The following ACBD6 variants were observed in gnomAD, a reference collection of about 807,000 sequenced individuals.
ACBD6 encodes acyl-CoA binding domain containing 6, also known as acyl-CoA-binding domain-containing protein 6.
ACBD6 carries 28 observed loss-of-function variants against 37.2 expected under a neutral mutation model. The ratio of observed to expected loss-of-function variants is 0.75; its 90% CI spans 0.56 to 1.03. The LOEUF is 1.03. ACBD6 is among the 50% of genes least tolerant of loss of function. The pLI is 0.00. For missense variants in ACBD6, 340 were observed against 337.4 expected (o/e 1.01, Z -0.06); for synonymous variants, 113 against 126.8 (o/e 0.89, Z 0.73).
chr1:180,437,119 G>T (rs1434171514), intron 3 of ACBD6, among the ~76,000 whole-genome samples: 2 of 152,154 alleles, frequency 1.3e-5, no homozygotes, highest in African/African-American at 4.8e-5. Flanking sequence ...CAAATACTTT[G>T]CAGTTTGGCT....
At chr1:180,280,870 TGCTGAG>T (rs1318314560) in intron 9 of ACBD6, among the ~76,000 whole-genome samples, 4 of 152,210 alleles carry the variant, frequency 2.6e-5, no homozygotes, top group Non-Finnish European at 5.9e-5. Context: ...GGTTACTCAT[TGCTGAG>T]GCACTGGTAA....
intron 7 of ACBD6, among the ~76,000 whole-genome samples, chr1:180,304,840 T>G (rs913722090): frequency 6.6e-6 from 1 of 151,772 alleles, no homozygotes; most frequent in Non-Finnish European, 1.5e-5. Flanking sequence ...TCACACTACC[T>G]GACTTCAAAC....
At chr1:180,401,620 C>T (rs546317042) in intron 5 of ACBD6, among the ~76,000 whole-genome samples, 43 of 151,934 alleles carry the variant, frequency 2.8e-4, no homozygotes, top group Admixed American at 1.0e-3. Flanking sequence ...GCTGTCTCTA[C>T]TAGAAATACA....
intron 3 of ACBD6, among the ~76,000 whole-genome samples, chr1:180,484,764 T>G (rs1651193534): frequency 6.6e-6 from 1 of 152,134 alleles, no homozygotes; most frequent in Non-Finnish European, 1.5e-5. Context: ...TGTATGCATG[T>G]ATATACAAAA....
chr1:180,473,536 C>T (rs1455586761), intron 3 of ACBD6, among the ~76,000 whole-genome samples: 1 of 151,526 alleles, frequency 6.6e-6, no homozygotes, highest in African/African-American at 2.4e-5. Context: ...TTTAAAATGT[C>T]TCTATCTAAC....
intron 6 of ACBD6, among the ~76,000 whole-genome samples, chr1:180,352,555 C>T (rs1041430929): frequency 5.9e-5 from 9 of 152,126 alleles, no homozygotes; most frequent in African/African-American, 2.2e-4. Context: ...TATTATTCTG[C>T]TTCCTACTGA....
rs192008639 is a variant in ACBD6, at chr1:180,333,872, C to T, written c.664-19150G>A. ...AACAGCACACCAGGAGATTATATCC[C>T]GTGCCTGGCTCAGAGGGTCCTATGC... On this transcript the variant is annotated intron_variant, in intron 6 of 7. Transcript: ENST00000367595. 1.6e-4 allele frequency among the ~76,000 whole-genome samples: 24 copies of T among 152,350 alleles called. No individual in the cohort carries two copies. In the South Asian group the frequency reaches 1.9e-3, roughly 12 times the overall value.
chr1:180,445,224 C>T (rs1180281604), intron 3 of ACBD6, among the ~76,000 whole-genome samples: 1 of 152,078 alleles, frequency 6.6e-6, no homozygotes, highest in African/African-American at 2.4e-5. Context: ...TTCTCCAACG[C>T]AAAAGTGTTT....
chr1:180,341,575 C>CT (rs1245258038), intron 6 of ACBD6, among the ~76,000 whole-genome samples: 1 of 152,046 alleles, frequency 6.6e-6, no homozygotes, highest in Non-Finnish European at 1.5e-5. Context: ...AACCATCCCT[C>CT]TAATGCCCCA....
chr1:180,345,880 A>T (rs1213051935), intron 6 of ACBD6, among the ~76,000 whole-genome samples: 1 of 152,216 alleles, frequency 6.6e-6, no homozygotes, highest in Admixed American at 6.5e-5. Flanking sequence ...TTCTATTATG[A>T]ACAAGTGCTA....
intron 9 of ACBD6, chr1:180,278,920 T>G (rs144160869): frequency 5.2e-4 from 79 of 152,326 alleles, no homozygotes; most frequent in African/African-American, 1.8e-3. Flanking sequence ...TGTATATGCC[T>G]CCTGTGTGTT....
intron 6 of ACBD6, among the ~76,000 whole-genome samples, chr1:180,372,819 CT>C (rs1457428251): frequency 3.3e-5 from 5 of 152,188 alleles, no homozygotes; most frequent in Non-Finnish European, 7.4e-5. Context: ...CCATGGCATG[CT>C]CAAGACTTTG....
At chr1:180,394,299 A>C (rs1654181006) in intron 6 of ACBD6, among the ~76,000 whole-genome samples, 1 of 152,044 alleles carries the variant, frequency 6.6e-6, no homozygotes, top group Non-Finnish European at 1.5e-5. Flanking sequence ...TATGTTGCCC[A>C]GGCTGGTCTC....
chr1:180,427,613 C>T (rs911281431), intron 4 of ACBD6, among the ~76,000 whole-genome samples: 1 of 152,076 alleles, frequency 6.6e-6, no homozygotes, highest in Admixed American at 6.6e-5. Flanking sequence ...CTGGAATAAT[C>T]CAACATTTCA....
chr1:180,333,203 T>C (rs182138784), intron 6 of ACBD6, among the ~76,000 whole-genome samples: 2 of 152,304 alleles, frequency 1.3e-5, no homozygotes, highest in Admixed American at 6.5e-5. Flanking sequence ...ATACGTAACA[T>C]AATTTTAAAA....
intron 3 of ACBD6, among the ~76,000 whole-genome samples, chr1:180,478,672 C>T (rs575777846): frequency 6.4e-4 from 97 of 152,150 alleles, no homozygotes; most frequent in African/African-American, 2.1e-3. Context: ...TTAGTAGAGA[C>T]GGGGTTTCAC....
intron 3 of ACBD6, among the ~76,000 whole-genome samples, chr1:180,437,220 A>T (rs958791137): frequency 2.6e-5 from 4 of 152,226 alleles, no homozygotes; most frequent in African/African-American, 4.8e-5. Flanking sequence ...AAGCCACTCC[A>T]GAACTCAGTT....
chr1:180,404,390 C>T (rs145783427), intron 5 of ACBD6, among the ~76,000 whole-genome samples: 47 of 152,180 alleles, frequency 3.1e-4, no homozygotes, highest in African/African-American at 1.1e-3. Context: ...TAAACTCCTG[C>T]GCTCAAGAAT....
In ACBD6 at chr1:180,377,828, C is replaced by T. The variant is rs543778561; in HGVS notation, c.663+19688G>A. On this transcript the variant is annotated intron_variant, in intron 6 of 7. Transcript: ENST00000367595. Reference sequence around the variant, plus strand: ...TGGTCATGGTGGCACATGCCTGTAACCCCAGCTACTCGGGAGGCCAAGGCA... The same window carrying T: ...TGGTCATGGTGGCACATGCCTGTAATCCCAGCTACTCGGGAGGCCAAGGCA... 3.6e-3 allele frequency among the ~76,000 whole-genome samples: 548 copies of T among 151,888 alleles called. 9 individuals are homozygous for T. Among genetic ancestry groups the T allele is most frequent in the African/African-American group, 0.012 (514 of 41,448 alleles).
Sources: allele counts gnomAD v4.1 joint callset (sites outside exome capture counted in the v4.1 genomes callset), GRCh38; gene constraint gnomAD v4.1.1; transcripts MANE v1.5; gene names NCBI Gene and HGNC (gene_info 2026-07-23, HGNC 2026-07-21).